FMNL2: variants seen among roughly 807,000 people sequenced by gnomAD.
FMNL2 encodes the protein formin-like protein 2.
FMNL2 carries 51 observed loss-of-function variants against 130.2 expected under a neutral mutation model. The observed-to-expected ratio is 0.39, with a 90% confidence interval of 0.31 to 0.49. FMNL2 has a LOEUF of 0.49. FMNL2 is among the 20% of genes least tolerant of loss of function. The pLI, the probability that FMNL2 is intolerant of heterozygous loss-of-function variation, is 0.85. For synonymous variants in FMNL2, 465 were observed against 467.1 expected (o/e 1.00, Z 0.06); for missense variants, 977 against 1,316.2 (o/e 0.74, Z 3.99).
chr2:152,514,205 G>A (rs1486308489), intron 1 of FMNL2, among the ~76,000 whole-genome samples: 3 of 152,108 alleles, frequency 2.0e-5, no homozygotes, highest in African/African-American at 7.2e-5. Context: ...TGTCAATGTA[G>A]GAAGAGTTAA....
At chr2:152,392,929 G>C (rs1558823532) in intron 1 of FMNL2, among the ~76,000 whole-genome samples, 1 of 152,086 alleles carries the variant, frequency 6.6e-6, no homozygotes, top group Non-Finnish European at 1.5e-5. Context: ...TCTTCTCTCT[G>C]CCTGCTTCTC....
At chr2:152,565,322 C>G (rs1372100628) in intron 6 of FMNL2, among the ~76,000 whole-genome samples, 4 of 152,136 alleles carry the variant, frequency 2.6e-5, no homozygotes, top group Non-Finnish European at 5.9e-5. Flanking sequence ...AGTTGGTCCT[C>G]AGGGTAAGGA....
intron 1 of FMNL2, among the ~76,000 whole-genome samples, chr2:152,464,470 C>T (rs1171634422): frequency 6.6e-6 from 1 of 152,168 alleles, no homozygotes; most frequent in Non-Finnish European, 1.5e-5. Context: ...CAGGAATGTA[C>T]CCCCCTGATG....
intron 3 of FMNL2, among the ~76,000 whole-genome samples, chr2:152,548,710 T>C (rs1193275496): frequency 6.6e-6 from 1 of 152,176 alleles, no homozygotes; most frequent in Non-Finnish European, 1.5e-5. Flanking sequence ...TAATGAATCA[T>C]TGAAACTGGA....
intron 1 of FMNL2, among the ~76,000 whole-genome samples, chr2:152,397,297 C>G (rs1220289551): frequency 6.6e-6 from 1 of 151,768 alleles, no homozygotes; most frequent in Admixed American, 6.6e-5. Flanking sequence ...TGCAAGGAAA[C>G]TGGATGAGCA....
At chr2:152,465,802 C>T (rs1233957630) in intron 1 of FMNL2, among the ~76,000 whole-genome samples, 2 of 152,212 alleles carry the variant, frequency 1.3e-5, no homozygotes, top group African/African-American at 4.8e-5. Context: ...CACCTGTGGG[C>T]TTGCGCCTAG....
At chr2:152,397,527 G>A (rs1685463445) in intron 1 of FMNL2, among the ~76,000 whole-genome samples, 1 of 152,092 alleles carries the variant, frequency 6.6e-6, no homozygotes, top group African/African-American at 2.4e-5. Flanking sequence ...AGACATGCTG[G>A]GGAAAGTGAT....
chr2:152,534,473 T>A (rs1314272049), intron 2 of FMNL2, among the ~76,000 whole-genome samples: 1 of 152,118 alleles, frequency 6.6e-6, no homozygotes, highest in Admixed American at 6.6e-5. Flanking sequence ...AATCGGAGCT[T>A]GTAATTTAAA....
chr2:152,456,439 C>T (rs1451014900), intron 1 of FMNL2, among the ~76,000 whole-genome samples: 2 of 152,076 alleles, frequency 1.3e-5, no homozygotes, highest in East Asian at 1.9e-4. Flanking sequence ...TGACCTCAAG[C>T]GGTCTTCCTG....
At chr2:152,497,920 C>T (rs962374718) in intron 1 of FMNL2, among the ~76,000 whole-genome samples, 3 of 152,156 alleles carry the variant, frequency 2.0e-5, no homozygotes, top group East Asian at 3.8e-4. Context: ...CCATTGCTTG[C>T]GGTGGTTGCA....
At chr2:152,446,792 C>T (rs1254243891) in intron 1 of FMNL2, among the ~76,000 whole-genome samples, 1 of 152,026 alleles carries the variant, frequency 6.6e-6, no homozygotes, top group East Asian at 1.9e-4. Flanking sequence ...GGAAATACAC[C>T]CCTACTGATT....
chr2:152,386,201 A>G (rs530651331), intron 1 of FMNL2, among the ~76,000 whole-genome samples: 1 of 152,292 alleles, frequency 6.6e-6, no homozygotes, highest in Admixed American at 6.5e-5. Flanking sequence ...CAAGGGGGCT[A>G]TTGTAGAATG....
chr2:152,506,205 A>G (rs1307036706), intron 1 of FMNL2, among the ~76,000 whole-genome samples: 2 of 152,154 alleles, frequency 1.3e-5, no homozygotes, highest in Admixed American at 6.5e-5. Flanking sequence ...TCAATGTCCA[A>G]CTGTTTTAAT....
rs1413164383 is a variant in FMNL2, at chr2:152,649,107, A to T, written c.*1202A>T. ...ATCTTCTTGGTACATCAATATATTA[A>T]TTGTAAAGTTTATTGTATAGTATTT... On this transcript the variant is annotated 3_prime_UTR_variant, in exon 26 of 26. Transcript: ENST00000288670. 6.6e-6 allele frequency: 1 copy of T among 152,588 alleles called. No homozygotes were observed. The highest frequency in any genetic ancestry group is 1.5e-5 in the Non-Finnish European group (1 of 68,032). 9.5% of individuals were successfully genotyped at this position (152,588 alleles called of 1,614,324 possible). A position where few individuals can be genotyped will look rare whatever the true frequency, so the allele number is the denominator to read the frequency against.
chr2:152,561,580 T>G (rs1299135810), intron 6 of FMNL2, among the ~76,000 whole-genome samples: 1 of 151,786 alleles, frequency 6.6e-6, no homozygotes, highest in East Asian at 1.9e-4. Context: ...TCAACCTTTT[T>G]TTTTTTTTTT....
chr2:152,430,520 G>C (rs1053121122), intron 1 of FMNL2, among the ~76,000 whole-genome samples: 10 of 152,190 alleles, frequency 6.6e-5, no homozygotes, highest in Non-Finnish European at 1.3e-4. Flanking sequence ...TGTAATGCAA[G>C]TTAATGTTTA....
intron 4 of FMNL2, among the ~76,000 whole-genome samples, chr2:152,554,326 G>T (rs1695095454): frequency 6.6e-6 from 1 of 152,208 alleles, no homozygotes; most frequent in Non-Finnish European, 1.5e-5. Context: ...AGGATCACTT[G>T]AGCCCAGGAG....
At position 152,369,962 on chromosome 2, in the gene FMNL2, G is replaced by T. The variant is rs560107482; in HGVS notation, c.117+34242G>T. 1.7e-4 allele frequency among the ~76,000 whole-genome samples: 26 copies of T among 152,242 alleles called. No individual in the cohort carries two copies. In the South Asian group the frequency reaches 2.3e-3, roughly 13 times the overall value. On this transcript the variant is annotated intron_variant, in intron 1 of 25. Coordinates refer to ENST00000288670, the MANE Select transcript of FMNL2 (RefSeq NM_052905.4). Reference sequence around the variant, plus strand: ...AGGGTATGTGTATTTGCTGTGTATTGTGTGGGGAATAGGGTATGAAGCCTA... The same window carrying T: ...AGGGTATGTGTATTTGCTGTGTATTTTGTGGGGAATAGGGTATGAAGCCTA...
chr2:152,382,122 A>G (rs1178025589), intron 1 of FMNL2, among the ~76,000 whole-genome samples: 1 of 152,146 alleles, frequency 6.6e-6, no homozygotes. Flanking sequence ...TACCGGTTTT[A>G]ACCATGTTGT....
Sources: gnomAD v4.1 joint callset for allele counts (sites outside exome capture counted in the v4.1 genomes callset) on GRCh38, gnomAD v4.1.1 for gene constraint, MANE v1.5 for transcripts, NCBI Gene and HGNC (gene_info 2026-07-23, HGNC 2026-07-21) for gene names.